Variants in DLG2 observed in about 807,000 individuals in gnomAD.
The protein encoded by DLG2 is disks large homolog 2.
Under a neutral mutation model 132.5 loss-of-function variants are expected in DLG2, and 45 were observed. The ratio of observed to expected loss-of-function variants is 0.34; its 90% CI spans 0.27 to 0.44. The LOEUF is 0.44. Ranked by LOEUF, DLG2 falls within the 20% of genes least tolerant of loss-of-function variation. DLG2 has a pLI of 1.00. For synonymous variants in DLG2, 424 were observed against 419.6 expected (o/e 1.01, Z -0.13); for missense variants, 1,045 against 1,196.9 (o/e 0.87, Z 1.87).
At chr11:83,708,990 C>A (rs2084717177) in intron 18 of DLG2, among the ~76,000 whole-genome samples, 1 of 152,052 alleles carries the variant, frequency 6.6e-6, no homozygotes, top group South Asian at 2.1e-4. Flanking sequence ...GTGCCCATTT[C>A]CCTGACTTTA....
chr11:84,121,799 G>A (rs887380315), intron 9 of DLG2, among the ~76,000 whole-genome samples: 2 of 151,290 alleles, frequency 1.3e-5, no homozygotes, highest in African/African-American at 4.8e-5. Flanking sequence ...CTGACCTTGT[G>A]ATCTGCCCGC....
intron 6 of DLG2, among the ~76,000 whole-genome samples, chr11:84,899,933 T>C (rs982206580): frequency 2.0e-5 from 3 of 152,048 alleles, no homozygotes; most frequent in East Asian, 1.9e-4. Flanking sequence ...GCAGCTTCAG[T>C]GCACTCAATA....
intron 10 of DLG2, among the ~76,000 whole-genome samples, chr11:84,070,058 A>G (rs983828943): frequency 2.0e-5 from 3 of 152,190 alleles, no homozygotes; most frequent in African/African-American, 7.2e-5. Flanking sequence ...ATTCAAACAC[A>G]CAAAACCAGG....
At chr11:85,418,499 T>C (rs2090043980) in intron 3 of DLG2, among the ~76,000 whole-genome samples, 1 of 152,184 alleles carries the variant, frequency 6.6e-6, no homozygotes, top group South Asian at 2.1e-4. Context: ...AATATCCCTG[T>C]TAATTTTCTG....
chr11:85,444,854 T>C (rs1034956757), intron 3 of DLG2, among the ~76,000 whole-genome samples: 1 of 152,236 alleles, frequency 6.6e-6, no homozygotes, highest in Non-Finnish European at 1.5e-5. Context: ...ACAATTACTT[T>C]TGCACCAACC....
intron 6 of DLG2, among the ~76,000 whole-genome samples, chr11:84,627,843 C>T (rs1273351453): frequency 6.6e-6 from 1 of 151,938 alleles, no homozygotes; most frequent in East Asian, 1.9e-4. Context: ...GAGGAGGTGC[C>T]ACAGACTCAA....
chr11:85,477,623 T>C (rs1024930464), intron 3 of DLG2, among the ~76,000 whole-genome samples: 2 of 152,224 alleles, frequency 1.3e-5, no homozygotes, highest in African/African-American at 2.4e-5. Context: ...GGTAGGGGTA[T>C]GTATAATCAG....
intron 16 of DLG2, among the ~76,000 whole-genome samples, chr11:83,837,811 C>T (rs1042770250): frequency 2.7e-5 from 4 of 149,682 alleles, no homozygotes; most frequent in Non-Finnish European, 4.4e-5. Flanking sequence ...CAGTTTGTTG[C>T]CTCCTTTCCA....
At chr11:85,352,441 C>T (rs1182256023) in intron 3 of DLG2, among the ~76,000 whole-genome samples, 1 of 152,018 alleles carries the variant, frequency 6.6e-6, no homozygotes, top group Non-Finnish European at 1.5e-5. Context: ...TATTTCTTGC[C>T]TTCTGCTAGC....
intron 7 of DLG2, among the ~76,000 whole-genome samples, chr11:84,497,500 A>T (rs907740243): frequency 6.6e-6 from 1 of 152,088 alleles, no homozygotes; most frequent in African/African-American, 2.4e-5. Context: ...GAGATAGGGG[A>T]TGAGGATTAG....
At chr11:85,492,100 G>A (rs1333574967) in intron 3 of DLG2, among the ~76,000 whole-genome samples, 10 of 152,036 alleles carry the variant, frequency 6.6e-5, no homozygotes. Flanking sequence ...AAATTGTTTA[G>A]AGCAAATTTT....
intron 11 of DLG2, among the ~76,000 whole-genome samples, chr11:83,981,773 T>G (rs957003938): frequency 7.9e-5 from 12 of 152,230 alleles, no homozygotes; most frequent in Admixed American, 6.5e-4. Context: ...TATATTATTT[T>G]TATAACATGG....
chr11:83,888,995 T>G (rs568027900), intron 15 of DLG2, among the ~76,000 whole-genome samples: 1 of 152,134 alleles, frequency 6.6e-6, no homozygotes, highest in South Asian at 2.1e-4. Flanking sequence ...CCTAAAACCA[T>G]AAAAACCCTA....
chr11:85,359,996 C>G (rs1203451123), intron 3 of DLG2, among the ~76,000 whole-genome samples: 2 of 152,136 alleles, frequency 1.3e-5, no homozygotes, highest in Admixed American at 6.5e-5. Flanking sequence ...GACTCATTCT[C>G]TCTATACTCA....
chr11:84,825,299 G>C lies in DLG2; in HGVS notation c.357+286362C>G, dbSNP rs560957344. ...TTGGTACAATGAGGAAGTGAAGGTA[G>C]ACAGAATTTACTGTCCTTTCACATT... On this transcript the variant is annotated intron_variant, in intron 6 of 27. Transcript: ENST00000376104. Among the ~76,000 whole-genome samples, 11 of 151,926 alleles carry C rather than the reference G, an allele frequency of 7.2e-5. 1 individual carries two copies. In the South Asian group the frequency reaches 2.1e-3, roughly 29 times the overall value.
At chr11:83,840,789 A>G (rs1407763530) in intron 16 of DLG2, among the ~76,000 whole-genome samples, 4 of 152,200 alleles carry the variant, frequency 2.6e-5, no homozygotes, top group Non-Finnish European at 5.9e-5. Context: ...TAGAAGTTTG[A>G]TGGTGCATTT....
At chr11:84,846,866 C>T (rs949025764) in intron 6 of DLG2, among the ~76,000 whole-genome samples, 1 of 152,094 alleles carries the variant, frequency 6.6e-6, no homozygotes, top group Non-Finnish European at 1.5e-5. Context: ...GTATAAATAT[C>T]ATATGCATAT....
chr11:85,478,325 A>C (rs189635138), intron 3 of DLG2, among the ~76,000 whole-genome samples: 1 of 152,070 alleles, frequency 6.6e-6, no homozygotes, highest in Non-Finnish European at 1.5e-5. Context: ...CCTGGACCCA[A>C]ATATTTTCAA....
At chr11:83,887,533 C>T (rs953423007) in intron 15 of DLG2, among the ~76,000 whole-genome samples, 1 of 152,004 alleles carries the variant, frequency 6.6e-6, no homozygotes, top group African/African-American at 2.4e-5. Flanking sequence ...AGGAGGAACT[C>T]GTACCATTCC....
Sources: gnomAD v4.1 joint callset for allele counts (sites outside exome capture counted in the v4.1 genomes callset) on GRCh38, gnomAD v4.1.1 for gene constraint, MANE v1.5 for transcripts, NCBI Gene and HGNC (gene_info 2026-07-23, HGNC 2026-07-21) for gene names.